Variants in SGCD observed in about 807,000 individuals in gnomAD.
SGCD encodes the protein delta-sarcoglycan.
Under a neutral mutation model 36.6 loss-of-function variants are expected in SGCD, and 18 were observed. That is an observed-to-expected ratio of 0.49 (90% confidence interval 0.34 to 0.73). The LOEUF is 0.73. Among genes scored for constraint, SGCD ranks in the 30% least tolerant of loss-of-function variants. SGCD has a pLI of 0.01. For missense variants in SGCD, 387 were observed against 346.7 expected, an observed-to-expected ratio of 1.12 and a Z score of -0.92; for synonymous variants, 133 against 130.6, an observed-to-expected ratio of 1.02 and a Z score of -0.12.
chr5:156,678,123 A>G (rs1581385065), intron 7 of SGCD, among the ~76,000 whole-genome samples: 1 of 152,290 alleles, frequency 6.6e-6, no homozygotes, highest in Middle Eastern at 3.4e-3. Flanking sequence ...AGACATCAGT[A>G]GTATTTAGAA....
At chr5:156,084,805 A>C (rs73813231) in intron 1 of SGCD, among the ~76,000 whole-genome samples, 3,846 of 152,288 alleles carry the variant, frequency 0.025, 188 homozygotes, top group African/African-American at 0.088. Context: ...GTTTTCATTA[A>C]GTATGGTGTT....
chr5:155,728,493 C>T, the SGCD span, among the ~76,000 whole-genome samples: 1 of 152,328 alleles, frequency 6.6e-6, no homozygotes, highest in South Asian at 2.1e-4. Flanking sequence ...GGGCTGTGAG[C>T]AAGGGACACC....
At chr5:156,758,044 T>G in intron 8 of SGCD, 1 of 1,045,876 alleles carries the variant, frequency 9.6e-7, no homozygotes. Context: ...ATTATACACA[T>G]CTGGCTCAAG....
intron 1 of SGCD, among the ~76,000 whole-genome samples, chr5:156,113,872 C>T (rs1019710949): frequency 6.6e-6 from 1 of 152,020 alleles, no homozygotes; most frequent in African/African-American, 2.4e-5. Flanking sequence ...CATGGAGGAA[C>T]CTTAAAAGTG....
At chr5:156,466,802 AC>A (rs1415767396) in intron 3 of SGCD, among the ~76,000 whole-genome samples, 1 of 152,190 alleles carries the variant, frequency 6.6e-6, no homozygotes. Flanking sequence ...CAAAAAAAGA[AC>A]TTTCTAGTCA....
chr5:156,343,929 G>A (rs1580848153), intron 2 of SGCD, among the ~76,000 whole-genome samples: 1 of 152,158 alleles, frequency 6.6e-6, no homozygotes. Flanking sequence ...CAAATCAAGT[G>A]GGGTTCCAGC....
At chr5:156,460,646 G>A (rs913836534) in intron 3 of SGCD, among the ~76,000 whole-genome samples, 4 of 152,014 alleles carry the variant, frequency 2.6e-5, no homozygotes, top group African/African-American at 9.7e-5. Flanking sequence ...GATAATCTGG[G>A]GCCTGTTACC....
intron 1 of SGCD, among the ~76,000 whole-genome samples, chr5:155,909,356 A>G (rs992060432): frequency 3.3e-5 from 5 of 152,152 alleles, no homozygotes; most frequent in Non-Finnish European, 7.4e-5. Context: ...GATCTTTCAT[A>G]CTTTGTGACA....
chr5:156,427,440 G>C (rs187834874), intron 3 of SGCD, among the ~76,000 whole-genome samples: 2 of 152,184 alleles, frequency 1.3e-5, no homozygotes, highest in Non-Finnish European at 2.9e-5. Flanking sequence ...AGCTTTTTGA[G>C]TGAGTCTTTA....
intron 3 of SGCD, among the ~76,000 whole-genome samples, chr5:156,314,827 T>A (rs1767472777): frequency 6.6e-6 from 1 of 151,958 alleles, no homozygotes. Context: ...ACAGGAGGCA[T>A]AAGGTGCATT....
chr5:156,713,724 G>A (rs1310093467), intron 7 of SGCD, among the ~76,000 whole-genome samples: 1 of 152,190 alleles, frequency 6.6e-6, no homozygotes, highest in Admixed American at 6.5e-5. Flanking sequence ...GGCTAGTTTT[G>A]TGATCTGCAG....
intron 3 of SGCD, among the ~76,000 whole-genome samples, chr5:156,446,013 T>C (rs748586862): frequency 2.6e-5 from 4 of 152,104 alleles, no homozygotes; most frequent in Non-Finnish European, 5.9e-5. Flanking sequence ...CTTGTAAGAA[T>C]ATATATTCCG....
At chr5:155,831,602 T>C in the SGCD span, among the ~76,000 whole-genome samples, 1 of 152,258 alleles carries the variant, frequency 6.6e-6, no homozygotes, top group South Asian at 2.1e-4. Flanking sequence ...GCTTGCAAAT[T>C]GAATTGCTTT....
intron 8 of SGCD, among the ~76,000 whole-genome samples, chr5:156,758,756 C>A (rs1757429035): frequency 6.6e-6 from 1 of 151,234 alleles, no homozygotes; most frequent in South Asian, 2.1e-4. Context: ...AAAGTATATT[C>A]TATAGACCAT....
intron 1 of SGCD, among the ~76,000 whole-genome samples, chr5:156,051,249 G>A (rs1254559348): frequency 6.8e-6 from 1 of 146,038 alleles, no homozygotes; most frequent in African/African-American, 2.5e-5. Context: ...TTGAATTTGA[G>A]TTTATCACTC....
chr5:156,647,129 G>A (rs32056), intron 6 of SGCD, among the ~76,000 whole-genome samples: 139,811 of 152,214 alleles, frequency 0.92, 64,372 homozygotes, highest in East Asian at 0.99. Context: ...AAACATTTCC[G>A]GTTGGGTGAC....
chr5:156,166,199 T>A (rs1172435032), intron 3 of SGCD, among the ~76,000 whole-genome samples: 1 of 148,640 alleles, frequency 6.7e-6, no homozygotes, highest in Non-Finnish European at 1.5e-5. Flanking sequence ...TACATCACTT[T>A]GATATATCTT....
At chr5:156,419,197 C>T (rs1458748325) in intron 3 of SGCD, among the ~76,000 whole-genome samples, 1 of 152,156 alleles carries the variant, frequency 6.6e-6, no homozygotes, top group Admixed American at 6.6e-5. Context: ...CACTTTTTCA[C>T]ATGCGGAATT....
chr5:155,740,269 T>C, the SGCD span, among the ~76,000 whole-genome samples: 1 of 152,192 alleles, frequency 6.6e-6, no homozygotes, highest in Non-Finnish European at 1.5e-5. Flanking sequence ...CTGCCTATTT[T>C]TAGGAACAAA....
Sources: gnomAD v4.1 joint callset for allele counts (sites outside exome capture counted in the v4.1 genomes callset) on GRCh38, gnomAD v4.1.1 for gene constraint, MANE v1.5 for transcripts, NCBI Gene and HGNC (gene_info 2026-07-23, HGNC 2026-07-21) for gene names.